Variants in CACNA1D observed in about 807,000 individuals in gnomAD.
CACNA1D encodes the protein calcium voltage-gated channel subunit alpha1 D.
Under a neutral mutation model 257.1 loss-of-function variants are expected in CACNA1D, and 55 were observed. The observed-to-expected ratio is 0.21, with a 90% CI of 0.17 to 0.27. CACNA1D has a LOEUF of 0.27. Ranked by LOEUF, CACNA1D falls within the 10% of genes least tolerant of loss-of-function variation. The probability of loss-of-function intolerance (pLI) is 1.00; values close to 1 mark genes in which losing one functional copy is unlikely to be tolerated. For missense variants in CACNA1D, 1,876 were observed against 2,784.0 expected (o/e 0.67, Z 7.34); for synonymous variants, 980 against 1,014.9 (o/e 0.97, Z 0.65).
intron 42 of CACNA1D, 121 bp downstream of exon 42, chr3:53,801,546 C>A: frequency 7.7e-7 from 1 of 1,295,050 alleles, no homozygotes; most frequent in Non-Finnish European, 1.1e-6. Flanking sequence ...TCCCCGTAGG[C>A]ATTTGTGTCA....
chr3:53,600,537 C>T (rs74989041), intron 3 of CACNA1D, among the ~76,000 whole-genome samples: 2,941 of 152,274 alleles, frequency 0.019, 99 homozygotes, highest in African/African-American at 0.068. Flanking sequence ...TGCCCAAAGA[C>T]GTGCAGCTAG....
chr3:53,716,289 C>A (rs1393578703), intron 9 of CACNA1D, among the ~76,000 whole-genome samples: 1 of 152,258 alleles, frequency 6.6e-6, no homozygotes, highest in Non-Finnish European at 1.5e-5. Context: ...CAGGACCAGG[C>A]CTGTGGGTTC....
chr3:53,501,869 T>C, intron 3 of CACNA1D, 149 bp downstream of exon 3: 1 of 649,724 alleles, frequency 1.5e-6, no homozygotes, highest in South Asian at 1.8e-5. Context: ...TTTTTGTTTG[T>C]TTGTTTGTTT....
At chr3:53,499,347 T>A (rs1211624083) in intron 2 of CACNA1D, among the ~76,000 whole-genome samples, 3 of 152,024 alleles carry the variant, frequency 2.0e-5, no homozygotes, top group Non-Finnish European at 4.4e-5. Context: ...ACAGTTTCCT[T>A]CTAATTCAGG....
intron 3 of CACNA1D, among the ~76,000 whole-genome samples, chr3:53,598,395 G>A (rs1268115801): frequency 6.6e-6 from 1 of 151,232 alleles, no homozygotes; most frequent in Non-Finnish European, 1.5e-5. Flanking sequence ...AACCAACATG[G>A]CACAACACCG....
At chr3:53,773,273 T>A in intron 33 of CACNA1D, 16 of 320,586 alleles carry the variant, frequency 5.0e-5, no homozygotes, top group South Asian at 1.3e-4. Flanking sequence ...AACAGAAGGC[T>A]GGTGCTGAGC....
At position 53,804,628 on chromosome 3, in the gene CACNA1D, C is replaced by T. The variant is rs1020687363; in HGVS notation, c.5586-355C>T. Among the ~76,000 whole-genome samples the T allele has an allele frequency of 5.3e-5, 8 of 152,214 alleles. No homozygotes were observed. In the East Asian group the frequency reaches 1.3e-3, roughly 26 times the overall value. ...TTGAGGGTGGGGCTCATGCTTCATG[C>T]ATCTTGGTGTCCTTGGTGCCCAGCA... On this transcript the variant is annotated intron_variant, in intron 44 of 47. Transcript: ENST00000350061.
At chr3:53,560,284 T>C (rs1459485904) in intron 3 of CACNA1D, among the ~76,000 whole-genome samples, 8 of 152,030 alleles carry the variant, frequency 5.3e-5, no homozygotes, top group African/African-American at 1.9e-4. Flanking sequence ...CTTTTCAGAG[T>C]CCTCTGATTC....
At chr3:53,696,566 A>G (rs1244852820) in intron 8 of CACNA1D, among the ~76,000 whole-genome samples, 4 of 152,166 alleles carry the variant, frequency 2.6e-5, no homozygotes, top group Non-Finnish European at 4.4e-5. Flanking sequence ...TTGGTGCTCA[A>G]TGAGTAGAGT....
At chr3:53,533,486 T>C (rs1170908100) in intron 3 of CACNA1D, among the ~76,000 whole-genome samples, 2 of 152,224 alleles carry the variant, frequency 1.3e-5, no homozygotes, top group Non-Finnish European at 2.9e-5. Context: ...TCTTCTTCTG[T>C]GTGGTCAGAA....
In CACNA1D at chr3:53,734,006, A is replaced by G. The variant is rs1378150421; in HGVS notation, c.2621+1044A>G. Among the ~76,000 whole-genome samples the G allele has an allele frequency of 3.2e-4, 9 of 28,168 alleles. No homozygotes were observed. In the East Asian group the frequency reaches 9.9e-3, roughly 31 times the overall value. 18.5% of individuals were successfully genotyped at this position (28,168 alleles called of 152,430 possible). ...TATATACATATACATATACATATAT[A>G]TATGTGTGTGTATATATATATATAT... On this transcript the variant is annotated intron_variant, in intron 19 of 47. Coordinates refer to ENST00000350061, the MANE Select transcript of CACNA1D (RefSeq NM_001128840.3).
At chr3:53,734,507 T>C (rs1283798218) in intron 19 of CACNA1D, among the ~76,000 whole-genome samples, 10 of 152,164 alleles carry the variant, frequency 6.6e-5, no homozygotes, top group African/African-American at 2.4e-4. Context: ...TACATGTGTA[T>C]ATGTATATGT....
chr3:53,724,380 T>C (rs1304962327), intron 14 of CACNA1D, among the ~76,000 whole-genome samples: 2 of 152,244 alleles, frequency 1.3e-5, no homozygotes, highest in African/African-American at 4.8e-5. Context: ...CTAGTTATAA[T>C]AGATTTACAC....
At chr3:53,680,620 A>G (rs1255933830) in intron 8 of CACNA1D, among the ~76,000 whole-genome samples, 2 of 152,224 alleles carry the variant, frequency 1.3e-5, no homozygotes, top group African/African-American at 4.8e-5. Context: ...GCTTTCATGC[A>G]CAGACCCAGC....
chr3:53,650,930 T>C lies in CACNA1D; in HGVS notation c.623+12T>C, dbSNP rs773262793. The stretch of plus-strand genomic sequence containing the variant: ...ATAGTAATAGTAGGGTAAGTCTCTT[T>C]TACTTTGGGGAAATGTTGATTTGGA... On this transcript the variant is annotated intron_variant, in intron 4 of 47. Transcript: ENST00000350061. The C allele has an allele frequency of 6.5e-5, 104 of 1,611,044 alleles. No homozygotes were observed. The highest frequency in any genetic ancestry group is 8.6e-5 in the Non-Finnish European group (101 of 1,177,412).
intron 9 of CACNA1D, among the ~76,000 whole-genome samples, chr3:53,708,600 G>A (rs1241729175): frequency 2.6e-5 from 4 of 152,220 alleles, no homozygotes; most frequent in Non-Finnish European, 5.9e-5. Context: ...ATGGGAGCTG[G>A]ACTCAGGGAC....
chr3:53,788,001 T>C (rs1248015785), intron 40 of CACNA1D, among the ~76,000 whole-genome samples: 2 of 152,204 alleles, frequency 1.3e-5, no homozygotes, highest in Non-Finnish European at 2.9e-5. Flanking sequence ...AGGTTCAACA[T>C]GGAAGAGTCC....
At chr3:53,545,849 C>G (rs1386005495) in intron 3 of CACNA1D, among the ~76,000 whole-genome samples, 4 of 152,188 alleles carry the variant, frequency 2.6e-5, no homozygotes, top group Non-Finnish European at 5.9e-5. Context: ...CAGATTGTTT[C>G]TATTGTGCGT....
At chr3:53,796,330 G>A (rs1355150130) in intron 40 of CACNA1D, 1 of 455,946 alleles carries the variant, frequency 2.2e-6, no homozygotes, top group Admixed American at 2.3e-5. Context: ...CCTGGCGCTT[G>A]TATCCTGAAG....
Sources: gnomAD v4.1 joint callset for allele counts (sites outside exome capture counted in the v4.1 genomes callset) on GRCh38, gnomAD v4.1.1 for gene constraint, MANE v1.5 for transcripts, NCBI Gene and HGNC (gene_info 2026-07-23, HGNC 2026-07-21) for gene names.